Variants in BTD observed in about 807,000 individuals in gnomAD.
The protein encoded by BTD is biocytinase.
Under a neutral mutation model 17.7 loss-of-function variants are expected in BTD, and 13 were observed. The observed-to-expected ratio is 0.74, with a 90% confidence interval of 0.48 to 1.17. BTD has a LOEUF of 1.17. Among genes scored for constraint, BTD ranks in the 50% most tolerant of loss-of-function variants. The pLI is 0.00. For missense variants in BTD, 674 were observed against 650.4 expected, an observed-to-expected ratio of 1.04 and a Z score of -0.39; for synonymous variants, 240 against 245.2, an observed-to-expected ratio of 0.98 and a Z score of 0.20.
At chr3:15,710,155 C>T (rs1442375072) in exon 4 of BTD, among the ~76,000 whole-genome samples, 2 of 152,070 alleles carry the variant, frequency 1.3e-5, no homozygotes, top group Non-Finnish European at 2.9e-5. Context: ...CAAGTCTCAG[C>T]CTCCTGAGTA....
intron 3 of BTD, among the ~76,000 whole-genome samples, chr3:15,699,191 T>C (rs1339004421): frequency 6.6e-6 from 1 of 152,292 alleles, no homozygotes; most frequent in Non-Finnish European, 1.5e-5. Context: ...TAGCCATATG[T>C]AGAAAGCTGA....
chr3:15,705,545 A>G (rs941658636), intron 3 of BTD, among the ~76,000 whole-genome samples: 41 of 152,364 alleles, frequency 2.7e-4, no homozygotes, highest in Admixed American at 9.1e-4. Flanking sequence ...AAATCAAACC[A>G]TGAAATTATA....
At chr3:15,657,887 G>T (rs1020310821), downstream of BTD, among the ~76,000 whole-genome samples, 8 of 152,104 alleles carry the variant, frequency 5.3e-5, no homozygotes, top group Middle Eastern at 3.2e-3. Flanking sequence ...GTTGGAGGGG[G>T]CCGGGCGTGG....
At chr3:15,672,675 A>C (rs566054704) in intron 3 of BTD, among the ~76,000 whole-genome samples, 2 of 152,336 alleles carry the variant, frequency 1.3e-5, no homozygotes, top group South Asian at 4.1e-4. Flanking sequence ...AACCCATTAC[A>C]TAGGCCAGGA....
intron 1 of BTD, among the ~76,000 whole-genome samples, chr3:15,604,683 C>T (rs764895122): frequency 2.0e-5 from 3 of 152,210 alleles, no homozygotes; most frequent in Non-Finnish European, 4.4e-5. Flanking sequence ...TCCTCTGGAA[C>T]ACTTTGCCAT....
At chr3:15,605,542 A>G (rs2064423646) in intron 1 of BTD, among the ~76,000 whole-genome samples, 1 of 152,210 alleles carries the variant, frequency 6.6e-6, no homozygotes, top group Non-Finnish European at 1.5e-5. Flanking sequence ...AAGAAAATGC[A>G]GATTTTGTAT....
chr3:15,692,864 C>G (rs2068990201), intron 3 of BTD, among the ~76,000 whole-genome samples: 1 of 152,180 alleles, frequency 6.6e-6, no homozygotes. Flanking sequence ...AGCAACCCAG[C>G]ATCTATTGTC....
intron 3 of BTD, among the ~76,000 whole-genome samples, chr3:15,666,655 T>C (rs1322231849): frequency 6.6e-6 from 1 of 151,074 alleles, no homozygotes; most frequent in Non-Finnish European, 1.5e-5. Context: ...TCTAATCTTG[T>C]ACGTGTTTCC....
chr3:15,625,207 C>CT (rs1487958606), intron 1 of BTD, among the ~76,000 whole-genome samples: 1 of 152,150 alleles, frequency 6.6e-6, no homozygotes, highest in Non-Finnish European at 1.5e-5. Flanking sequence ...TTTAGGGAGC[C>CT]TGTGTTTATG....
intron 3 of BTD, among the ~76,000 whole-genome samples, chr3:15,703,734 T>C (rs184733538): frequency 1.1e-3 from 173 of 152,260 alleles, no homozygotes; most frequent in African/African-American, 3.9e-3. Context: ...CTGAAACAAA[T>C]ATCTAAAATG....
At position 15,683,332 on chromosome 3, in the gene BTD, G is replaced by A. The variant is rs958383813; in HGVS notation, c.400-26728G>A. Among the ~76,000 whole-genome samples the A allele has an allele frequency of 5.9e-5, 9 of 152,198 alleles. No individual in the cohort carries two copies. In the East Asian group the frequency reaches 1.7e-3, roughly 29 times the overall value. On this transcript the variant is annotated intron_variant, in intron 3 of 3. Transcript: ENST00000672141. ...TGGGTTTTCCTTATACTTGTAAAAT[G>A]TCAAGTCACATTACAGAAACAAATC...
chr3:15,672,096 G>C (rs1288419389), intron 3 of BTD, among the ~76,000 whole-genome samples: 1 of 151,032 alleles, frequency 6.6e-6, no homozygotes, highest in African/African-American at 2.4e-5. Flanking sequence ...GTTGCTTCCA[G>C]TTCTCCCACA....
intron 1 of BTD, among the ~76,000 whole-genome samples, chr3:15,603,883 G>A (rs1485231617): frequency 6.6e-6 from 1 of 152,216 alleles, no homozygotes; most frequent in Non-Finnish European, 1.5e-5. Context: ...GTATCTCACA[G>A]CCAGATCATG....
intron 3 of BTD, among the ~76,000 whole-genome samples, chr3:15,689,496 G>C (rs927468621): frequency 7.2e-5 from 11 of 152,222 alleles, no homozygotes; most frequent in Non-Finnish European, 1.5e-4. Flanking sequence ...TGTTTTCCAA[G>C]AGAGGCCACA....
At chr3:15,699,500 A>C (rs1174699567) in intron 3 of BTD, among the ~76,000 whole-genome samples, 1 of 152,220 alleles carries the variant, frequency 6.6e-6, no homozygotes, top group Non-Finnish European at 1.5e-5. Flanking sequence ...CCATCTGACA[A>C]AGGGCTAATA....
chr3:15,636,209 G>A (rs1351996008), intron 2 of BTD, among the ~76,000 whole-genome samples: 3 of 152,122 alleles, frequency 2.0e-5, no homozygotes, highest in South Asian at 2.1e-4. Flanking sequence ...TGAGTCATTC[G>A]AAGCTTCACT....
exon 4 of BTD, chr3:15,711,369 A>C: frequency 2.0e-6 from 2 of 1,024,682 alleles, no homozygotes; most frequent in Non-Finnish European, 3.0e-6. Flanking sequence ...CTCCCCTCCA[A>C]TCCCAAACAA....
At position 15,645,059 on chromosome 3, in the gene BTD, C is replaced by A; in HGVS notation, c.1143C>A (p.Asp381Glu). 1 of 1,614,230 alleles carries A rather than the reference C, an allele frequency of 6.2e-7. No homozygotes were observed. Among genetic ancestry groups the A allele is most frequent in the African/African-American group, 1.3e-5 (1 of 75,050 alleles). Residue 381 changes from aspartate to glutamate, a missense_variant, in exon 4 of 4, where the codon GAC (aspartate) becomes GAA (glutamate). Asp to Glu is a conservative substitution (Grantham distance 45). Coordinates refer to ENST00000643237, the MANE Select transcript of BTD (RefSeq NM_001370658.1). ...CATTTCACTCTGAGATGATGTATGA[C>A]AATTTCACCCTGGTCCCTGTCTGGG... ...PPTFHSEMMY[D>E]NFTLVPVWGK...
chr3:15,708,223 TAGA>T (rs1034174188), intron 3 of BTD, among the ~76,000 whole-genome samples: 5 of 152,176 alleles, frequency 3.3e-5, no homozygotes, highest in Admixed American at 1.3e-4. Context: ...GACATAAAGC[TAGA>T]AGAAGAAAGC....
Sources: allele counts gnomAD v4.1 joint callset (sites outside exome capture counted in the v4.1 genomes callset), GRCh38; gene constraint gnomAD v4.1.1; transcripts MANE v1.5; gene names NCBI Gene and HGNC (gene_info 2026-07-23, HGNC 2026-07-21).